Variants in KAT6A observed in about 807,000 individuals in gnomAD.
KAT6A encodes the protein histone acetyltransferase KAT6A.
KAT6A carries 9 observed loss-of-function variants against 198.4 expected under a neutral mutation model. That is an observed-to-expected ratio of 0.05 (90% CI 0.03 to 0.08). The LOEUF is 0.08. Among genes scored for constraint, KAT6A ranks in the 10% least tolerant of loss-of-function variants. KAT6A has a pLI of 1.00. For missense variants in KAT6A, 2,077 were observed against 2,509.9 expected (o/e 0.83, Z 3.69); for synonymous variants, 890 against 883.0 (o/e 1.01, Z -0.14).
intron 8 of KAT6A, among the ~76,000 whole-genome samples, chr8:41,955,743 T>C (rs1037504829): frequency 6.6e-6 from 1 of 152,132 alleles, no homozygotes; most frequent in Non-Finnish European, 1.5e-5. Flanking sequence ...CTTGGTGATA[T>C]AAGATAAAGA....
chr8:42,045,899 C>T (rs1159002866), intron 2 of KAT6A, among the ~76,000 whole-genome samples: 1 of 151,528 alleles, frequency 6.6e-6, no homozygotes, highest in Non-Finnish European at 1.5e-5. Flanking sequence ...GCAGAAGAAT[C>T]GCTTGAACCC....
At chr8:41,987,171 A>AC (rs1168729226) in intron 3 of KAT6A, among the ~76,000 whole-genome samples, 1 of 152,204 alleles carries the variant, frequency 6.6e-6, no homozygotes, top group Non-Finnish European at 1.5e-5. Flanking sequence ...ACAACTGCCT[A>AC]CAATATTCAG....
At chr8:41,975,717 C>G (rs1824018658) in intron 7 of KAT6A, among the ~76,000 whole-genome samples, 1 of 152,158 alleles carries the variant, frequency 6.6e-6, no homozygotes, top group African/African-American at 2.4e-5. Context: ...CTTTATAATT[C>G]ATAAAGAAAA....
At chr8:41,956,044 C>T (rs1308086988) in intron 8 of KAT6A, among the ~76,000 whole-genome samples, 2 of 152,178 alleles carry the variant, frequency 1.3e-5, no homozygotes, top group Non-Finnish European at 2.9e-5. Flanking sequence ...TTTCTGCCTT[C>T]TCTTTACAAT....
intron 2 of KAT6A, among the ~76,000 whole-genome samples, chr8:41,995,706 T>TG (rs1825168958): frequency 6.8e-6 from 1 of 147,488 alleles, no homozygotes; most frequent in East Asian, 2.0e-4. Flanking sequence ...GATGGAGTTT[T>TG]GCTCTTGTTG....
chr8:41,949,240 A>G lies in KAT6A; in HGVS notation c.1722T>C (p.Asn574=), dbSNP rs374810620. The G allele has an allele frequency of 5.1e-5, 78 of 1,527,456 alleles. No individual in the cohort carries two copies. The highest frequency in any genetic ancestry group is 6.4e-5 in the Non-Finnish European group (73 of 1,139,596). The allele number at this position is 1,527,456 out of a possible 1,614,324, so 94.6% of individuals were successfully genotyped here. ...ACCTTACCTCAAAGACAGAAATATT[A>G]TTCTTTCTGTAAATCTCATTGGCAG... ...HPPANEIYRK[N]NISVFEVDGN... Residue 574 remains asparagine, a synonymous_variant, in exon 10 of 17, where the codon AAT becomes AAC. Coordinates refer to ENST00000265713, the MANE Select transcript of KAT6A (RefSeq NM_006766.5).
At chr8:41,982,911 C>T (rs532521237) in intron 3 of KAT6A, among the ~76,000 whole-genome samples, 17 of 152,242 alleles carry the variant, frequency 1.1e-4, no homozygotes, top group African/African-American at 3.1e-4. Flanking sequence ...ATACAGAGTT[C>T]GGTTTTATCC....
chr8:41,952,551 T>C (rs1207718601), intron 9 of KAT6A, among the ~76,000 whole-genome samples: 1 of 152,212 alleles, frequency 6.6e-6, no homozygotes, highest in African/African-American at 2.4e-5. Flanking sequence ...CATACACAAA[T>C]ATCTGGATAT....
chr8:41,944,094 C>T, intron 12 of KAT6A, 115 bp from the exon 13 acceptor site: 1 of 643,620 alleles, frequency 1.6e-6, no homozygotes, highest in Non-Finnish European at 2.6e-6. Context: ...AGGTAAATTC[C>T]TTCCAAAAAA....
rs766822517 is a variant in KAT6A at position 42,048,457 on chromosome 8, G to C, written c.521C>G (p.Thr174Ser). The C allele has an allele frequency of 3.1e-6, 5 of 1,614,002 alleles. No homozygotes were observed. The highest frequency in any genetic ancestry group is 4.2e-6 in the Non-Finnish European group (5 of 1,179,990). Residue 174 changes from threonine to serine, a missense_variant, in exon 2 of 17, where the codon ACC becomes AGC. Physicochemically the swap from Thr to Ser is moderately conservative, Grantham distance 58. Around this residue, in one of 13 missense-constraint regions of KAT6A, gnomAD observed 185 missense variants for 185.7 expected, o/e 1.00. Transcript: ENST00000265713. ...ACAACTCTCTTTCCCATCCACGTTG[G>C]TTGCTTTAGTGTTGAGCCGATAAAG... ...GPLYRLNTKA[T>S]NVDGKESCES...
At chr8:41,982,088 G>C in intron 3 of KAT6A, 134 bp from the exon 4 acceptor site, 1 of 574,864 alleles carries the variant, frequency 1.7e-6, no homozygotes, top group South Asian at 2.1e-5. Flanking sequence ...GATGCACCAG[G>C]AAGCCTGCCA....
chr8:41,952,921 T>C (rs1230286107), intron 9 of KAT6A, among the ~76,000 whole-genome samples: 1 of 152,156 alleles, frequency 6.6e-6, no homozygotes, highest in Non-Finnish European at 1.5e-5. Flanking sequence ...GGATATTTTC[T>C]AATTGAAAAC....
At chr8:41,998,714 T>C (rs1037479931) in intron 2 of KAT6A, among the ~76,000 whole-genome samples, 1 of 152,140 alleles carries the variant, frequency 6.6e-6, no homozygotes, top group Non-Finnish European at 1.5e-5. Flanking sequence ...TCAAGGAAAC[T>C]ATATCTGGGT....
chr8:41,975,306 C>T (rs981379664), intron 7 of KAT6A, among the ~76,000 whole-genome samples: 1 of 152,026 alleles, frequency 6.6e-6, no homozygotes, highest in Non-Finnish European at 1.5e-5. Flanking sequence ...AAAGCACAAA[C>T]TCTATTTACC....
At position 41,933,333 on chromosome 8, in the gene KAT6A, G is replaced by A. The variant is rs1005972721; in HGVS notation, c.4887C>T (p.Asn1629=). 14 of 1,575,680 alleles carry A rather than the reference G, an allele frequency of 8.9e-6. No individual in the cohort carries two copies. Among genetic ancestry groups the A allele is most frequent in the African/African-American group, 1.3e-5 (1 of 74,468 alleles). ...AGCTCTGAGGTGACTTGATGCTGCA[G>A]TTGGCAGCAGGCTGGACGCTGCTCT... ...MQQSSVQPAA[N]CSIKSPQSCV... The change falls in exon 17 of 17, where the codon AAC becomes AAT. Residue 1629 remains asparagine, a synonymous_variant. Coordinates refer to ENST00000265713, the MANE Select transcript of KAT6A (RefSeq NM_006766.5). The surrounding 1 kb of genome is among the most constrained non-coding windows in gnomAD (Gnocchi z 6.2).
At chr8:41,976,422 G>A (rs1340522825) in intron 7 of KAT6A, among the ~76,000 whole-genome samples, 1 of 152,156 alleles carries the variant, frequency 6.6e-6, no homozygotes, top group Non-Finnish European at 1.5e-5. Context: ...CCTCTCCACA[G>A]ATGTTTTCTA....
chr8:41,974,804 T>A lies in KAT6A; in HGVS notation c.1382A>T (p.Asp461Val). The change falls in exon 8 of 17, where the codon GAT (aspartate) becomes GTT (valine). Residue 461 changes from aspartate to valine, a missense_variant. Around this residue, in one of 13 missense-constraint regions of KAT6A, gnomAD observed 206 missense variants for 214.9 expected, o/e 0.96. Transcript: ENST00000265713. ...TCGCTCCTCATTTTCTTGTTTGCCA[T>A]CCCAGCCATCCTGATTGTCTACATA... ...DWPTDNQDGW[D>V]GKQENEERLF... is the part of the protein sequence containing the mutation. 1.2e-6 allele frequency: 2 copies of A among 1,610,122 alleles called. No individual in the cohort carries two copies. Among genetic ancestry groups the A allele is most frequent in the Non-Finnish European group, 1.7e-6 (2 of 1,177,408 alleles).
At chr8:41,979,070 C>T (rs1824213926) in intron 5 of KAT6A, among the ~76,000 whole-genome samples, 1 of 152,130 alleles carries the variant, frequency 6.6e-6, no homozygotes. Context: ...GAGTTTAAGA[C>T]CAGCCTGGCC....
At chr8:42,045,585 A>C (rs1269797390) in intron 2 of KAT6A, among the ~76,000 whole-genome samples, 1 of 151,862 alleles carries the variant, frequency 6.6e-6, no homozygotes, top group Non-Finnish European at 1.5e-5. Context: ...AAAACAAAAA[A>C]ACACTATATA....
Sources: allele counts gnomAD v4.1 joint callset (sites outside exome capture counted in the v4.1 genomes callset), GRCh38; gene constraint gnomAD v4.1.1; regional missense constraint gnomAD v4.1.1; non-coding constraint Gnocchi (gnomAD v3.1); transcripts MANE v1.5; gene names NCBI Gene and HGNC (gene_info 2026-07-23, HGNC 2026-07-21).